BLMH: variants seen among roughly 807,000 people sequenced by gnomAD.
BLMH encodes the protein bleomycin hydrolase, also known as BLM hydrolase.
In BLMH, 32 loss-of-function variants were observed where a neutral mutation model predicts 61.6. The ratio of observed to expected loss-of-function variants is 0.52; its 90% confidence interval spans 0.39 to 0.70. The LOEUF is 0.70. BLMH is among the 30% of genes least tolerant of loss of function. BLMH has a pLI of 0.00. For synonymous variants in BLMH, 183 were observed against 193.8 expected, an observed-to-expected ratio of 0.94 and a Z score of 0.46; for missense variants, 460 against 555.5, an observed-to-expected ratio of 0.83 and a Z score of 1.73.
At chr17:30,261,203 CTG>C (rs1224613555) in intron 11 of BLMH, among the ~76,000 whole-genome samples, 2 of 152,180 alleles carry the variant, frequency 1.3e-5, no homozygotes, top group Non-Finnish European at 2.9e-5. Context: ...GGGAAGCTGT[CTG>C]TGTCAAATTA....
intron 6 of BLMH, among the ~76,000 whole-genome samples, chr17:30,278,789 C>A (rs2143025593): frequency 1.3e-5 from 2 of 152,318 alleles, no homozygotes; most frequent in South Asian, 4.1e-4. Context: ...CATGCCTCAG[C>A]CTCCCAAGTA....
chr17:30,272,530 T>C (rs1486790593), intron 9 of BLMH, 31 bp downstream of exon 9: 1 of 1,612,686 alleles, frequency 6.2e-7, no homozygotes, highest in Non-Finnish European at 8.5e-7. Flanking sequence ...AACCCACAAA[T>C]GACTTTCCAT....
chr17:30,266,848 C>A (rs757510642), intron 11 of BLMH, 37 bp downstream of exon 11: 7 of 1,591,812 alleles, frequency 4.4e-6, no homozygotes, highest in Non-Finnish European at 6.0e-6. Flanking sequence ...AGAGCAGGCC[C>A]AGTCACCTGG....
intron 6 of BLMH, among the ~76,000 whole-genome samples, chr17:30,278,273 T>C (rs1381643690): frequency 6.6e-6 from 1 of 152,200 alleles, no homozygotes; most frequent in African/African-American, 2.4e-5. Context: ...TCTCACAAGA[T>C]CTACTTGGCA....
At position 30,249,205 on chromosome 17, in the gene BLMH, G is replaced by A. The variant is rs184713516; in HGVS notation, c.1217-37C>T. 385 of 1,607,732 alleles carry A rather than the reference G, an allele frequency of 2.4e-4. 6 individuals carry two copies. In the Admixed American group the frequency reaches 6.4e-3, roughly 27 times the overall value. On this transcript the variant is annotated intron_variant, in intron 11 of 11. Coordinates refer to ENST00000261714, the MANE Select transcript of BLMH (RefSeq NM_000386.4). Reference sequence around the variant, plus strand: ...AACAGAAGACTTATGAGTCCAGAGGGCAAGGGACAAAGAGCAGAAACCCTT... The same window carrying A: ...AACAGAAGACTTATGAGTCCAGAGGACAAGGGACAAAGAGCAGAAACCCTT...
At chr17:30,265,624 A>G (rs559884892) in intron 11 of BLMH, among the ~76,000 whole-genome samples, 1 of 152,154 alleles carries the variant, frequency 6.6e-6, no homozygotes, top group Non-Finnish European at 1.5e-5. Flanking sequence ...TCTGAATGTC[A>G]CTTCTCTGGC....
rs1907583147 is a variant in BLMH, at chr17:30,248,407, T to G, written c.*610A>C. The G allele has an allele frequency of 7.5e-6, 1 of 134,036 alleles. No individual in the cohort carries two copies. The highest frequency in any genetic ancestry group is 2.3e-4 in the South Asian group (1 of 4,384). 8.3% of individuals were successfully genotyped at this position (134,036 alleles called of 1,614,324 possible). On this transcript the variant is annotated 3_prime_UTR_variant, in exon 12 of 12. Coordinates refer to ENST00000261714, the MANE Select transcript of BLMH (RefSeq NM_000386.4). ...CACCCAACTGTCTCTAAGCCTCTAC[T>G]CAAACCTGACTCAAGCAGAGATGTG...
Position 30,291,391 on chromosome 17 carries a change from G to GC in BLMH, c.130dup (p.Ala44GlyfsTer50). 1.2e-6 allele frequency: 2 copies of GC among 1,614,118 alleles called. No individual in the cohort carries two copies. The highest frequency in any genetic ancestry group is 1.7e-6 in the Non-Finnish European group (2 of 1,180,032). Reference sequence around the variant, plus strand: ...CACATGCTGCGCGCGCTGCACCGTGGCCCGCTTCAGACAGATGTCCAGCAG... The same window carrying GC: ...CACATGCTGCGCGCGCTGCACCGTGGCCCCGCTTCAGACAGATGTCCAGCAG... On this transcript the variant is annotated frameshift_variant, in exon 2 of 12. Transcript: ENST00000261714. LOFTEE classifies it high-confidence loss of function.
chr17:30,268,050 G>C lies in BLMH; in HGVS notation c.1147-1096C>G, dbSNP rs369291145. Among the ~76,000 whole-genome samples, 106 of 152,136 alleles carry C rather than the reference G, an allele frequency of 7.0e-4. 1 individual carries two copies. The highest frequency in any genetic ancestry group is 2.5e-3 in the African/African-American group (104 of 41,472). On this transcript the variant is annotated intron_variant, in intron 10 of 11. Coordinates refer to ENST00000261714, the MANE Select transcript of BLMH (RefSeq NM_000386.4). Reference sequence around the variant, plus strand: ...TTACCTGTACTAATCCTTACTCTTTGCCCCCAAATCCTTTAAAACCATATC... The same window carrying C: ...TTACCTGTACTAATCCTTACTCTTTCCCCCCAAATCCTTTAAAACCATATC...
Position 30,277,855 on chromosome 17 carries a change from T to C in BLMH, c.646-3658A>G, listed in dbSNP as rs1166327619. On this transcript the variant is annotated intron_variant, in intron 6 of 11. Transcript: ENST00000261714. ...GAGTCCTTTTATAAAACAATGCTTA[T>C]GCCCTTCACATATATTTTATAAATC... 2.6e-5 allele frequency among the ~76,000 whole-genome samples: 4 copies of C among 152,224 alleles called. No homozygotes were observed. The East Asian group carries it at 7.7e-4, about 29-fold the overall frequency.
intron 11 of BLMH, among the ~76,000 whole-genome samples, chr17:30,258,221 TA>T (rs1227765031): frequency 1.7e-3 from 248 of 142,408 alleles, no homozygotes; most frequent in Middle Eastern, 7.1e-3. Context: ...GTTGGATGTT[TA>T]AAAAAAAAAA....
Position 30,263,984 on chromosome 17 carries a change from C to CCAAT in BLMH, c.1216+2897_1216+2900dup, listed in dbSNP as rs555334421. Among the ~76,000 whole-genome samples the CCAAT allele has an allele frequency of 1.8e-4, 27 of 152,316 alleles. No individual in the cohort carries two copies. In the South Asian group the frequency reaches 3.9e-3, roughly 22 times the overall value. On this transcript the variant is annotated intron_variant, in intron 11 of 11. Coordinates refer to ENST00000261714, the MANE Select transcript of BLMH (RefSeq NM_000386.4). ...AGAGGTCCTACCTCAGACCTGCCAG[C>CCAAT]CAATGTCCACTAGGATGACAGACAA...
chr17:30,282,219 G>GTTT (rs74886535), intron 6 of BLMH, among the ~76,000 whole-genome samples: 123 of 122,202 alleles, frequency 1.0e-3, no homozygotes, highest in African/African-American at 2.5e-3. Context: ...AACAGACAAG[G>GTTT]TTTTTTTTTT....
chr17:30,262,333 T>C (rs1907980359), intron 11 of BLMH, among the ~76,000 whole-genome samples: 1 of 152,218 alleles, frequency 6.6e-6, no homozygotes, highest in South Asian at 2.1e-4. Context: ...ACTGGTTCAT[T>C]AGAAAGACCA....
chr17:30,286,439 T>C (rs1163915112), intron 5 of BLMH, among the ~76,000 whole-genome samples: 1 of 152,222 alleles, frequency 6.6e-6, no homozygotes, highest in African/African-American at 2.4e-5. Context: ...AAGGGAATCT[T>C]GCGAATAGCT....
Position 30,291,836 on chromosome 17 carries a change from G to A in BLMH, c.-17C>T. 9.0e-6 allele frequency: 12 copies of A among 1,340,654 alleles called. No individual in the cohort carries two copies. Among genetic ancestry groups the A allele is most frequent in the South Asian group, 2.2e-5 (1 of 44,834 alleles). The allele number at this position is 1,340,654 out of a possible 1,614,324, so 83.0% of individuals were successfully genotyped here. A position where few individuals can be genotyped will look rare whatever the true frequency, so the allele number is the denominator to read the frequency against. On this transcript the variant is annotated 5_prime_UTR_variant, in exon 1 of 12. Coordinates refer to ENST00000261714, the MANE Select transcript of BLMH (RefSeq NM_000386.4). ...GCTGCTCATGGCGCCCACGCTGCCC[G>A]GCGGGGTAACGGTAGCTTCCAGGGT...
At chr17:30,271,207 C>T (rs1343895599) in intron 10 of BLMH, 64 bp downstream of exon 10, 9 of 1,194,798 alleles carry the variant, frequency 7.5e-6, no homozygotes, top group East Asian at 4.7e-5. Flanking sequence ...GTTGGGTAAA[C>T]AGTCTACAGG....
chr17:30,252,423 G>A (rs1907692429), intron 11 of BLMH, among the ~76,000 whole-genome samples: 1 of 151,128 alleles, frequency 6.6e-6, no homozygotes, highest in Non-Finnish European at 1.5e-5. Context: ...GAGGCCAGGT[G>A]CAGTGGCTCA....
chr17:30,289,331 T>A, intron 3 of BLMH, 42 bp downstream of exon 3: 1 of 1,350,856 alleles, frequency 7.4e-7, no homozygotes, highest in Non-Finnish European at 1.0e-6. Context: ...CTACCAAGGC[T>A]GATATCAATA....
Sources: gnomAD v4.1 joint callset for allele counts (sites outside exome capture counted in the v4.1 genomes callset) on GRCh38, gnomAD v4.1.1 for gene constraint, MANE v1.5 for transcripts, NCBI Gene and HGNC (gene_info 2026-07-23, HGNC 2026-07-21) for gene names.